The following PLCB1 variants were observed in gnomAD, a reference collection of about 807,000 sequenced individuals.
PLCB1 encodes the protein phospholipase C beta 1, also known as 1-phosphatidylinositol 4,5-bisphosphate phosphodiesterase beta-1.
A neutral mutation model predicts 161.8 loss-of-function variants in PLCB1; 46 were observed. The ratio of observed to expected loss-of-function variants is 0.28; its 90% CI spans 0.22 to 0.36. PLCB1 has a LOEUF of 0.36. PLCB1 is among the 10% of genes least tolerant of loss of function. PLCB1 has a pLI of 1.00. For synonymous variants in PLCB1, 517 were observed against 503.7 expected (o/e 1.03, Z -0.35); for missense variants, 1,016 against 1,472.5 (o/e 0.69, Z 5.07).
At chr20:8,516,968 C>T (rs1337908943) in intron 3 of PLCB1, among the ~76,000 whole-genome samples, 1 of 151,978 alleles carries the variant, frequency 6.6e-6, no homozygotes, top group African/African-American at 2.4e-5. Context: ...GTGGTAGGTC[C>T]TGTGTACTGG....
At chr20:8,664,275 C>T (rs376158501) in intron 9 of PLCB1, among the ~76,000 whole-genome samples, 1 of 152,072 alleles carries the variant, frequency 6.6e-6, no homozygotes, top group South Asian at 2.1e-4. Context: ...AAATGAAGCT[C>T]TATAATCCCT....
intron 31 of PLCB1, among the ~76,000 whole-genome samples, chr20:8,826,517 A>T (rs1177472764): frequency 6.6e-6 from 1 of 151,106 alleles, no homozygotes; most frequent in Non-Finnish European, 1.5e-5. Context: ...AAAAGAAAAG[A>T]AAAGAAGGCC....
At chr20:8,730,782 G>A (rs1351196616) in intron 18 of PLCB1, among the ~76,000 whole-genome samples, 1 of 151,406 alleles carries the variant, frequency 6.6e-6, no homozygotes, top group East Asian at 1.9e-4. Context: ...AAAATCACTT[G>A]TCTTCATTAG....
intron 2 of PLCB1, among the ~76,000 whole-genome samples, chr20:8,357,553 C>T (rs1235391612): frequency 6.6e-6 from 1 of 152,000 alleles, no homozygotes; most frequent in Admixed American, 6.5e-5. Flanking sequence ...TGGTGGCTTA[C>T]ACCTGTAATC....
At chr20:8,417,487 G>T (rs1291737206) in intron 3 of PLCB1, among the ~76,000 whole-genome samples, 1 of 150,956 alleles carries the variant, frequency 6.6e-6, no homozygotes, top group African/African-American at 2.4e-5. Flanking sequence ...CAGTGTCATT[G>T]ATTTACTATC....
intron 11 of PLCB1, among the ~76,000 whole-genome samples, chr20:8,705,520 C>T (rs964687288): frequency 4.6e-5 from 7 of 152,122 alleles, no homozygotes; most frequent in African/African-American, 1.7e-4. Context: ...TAGAAACATG[C>T]CCTTTAAAGC....
At chr20:8,739,785 T>A (rs929758417) in intron 21 of PLCB1, among the ~76,000 whole-genome samples, 14 of 152,192 alleles carry the variant, frequency 9.2e-5, no homozygotes, top group African/African-American at 2.7e-4. Context: ...CTGGAATGTC[T>A]AACTCTGCAT....
Position 8,717,704 on chromosome 20 carries a change from G to T in PLCB1, c.1369G>T (p.Asp457Tyr), listed in dbSNP as rs1413281591. Residue 457 changes from aspartate (D) to tyrosine (Y), a missense_variant, in exon 14 of 32, where the codon GAT becomes TAT. By Grantham distance (160) the Asp-to-Tyr change is radical. This residue lies in a region of PLCB1 where 56 missense variants were observed against 126.3 expected (regional missense o/e 0.44). Transcript: ENST00000338037. ...ESGVPLPSPM[D>Y]LMYKILVKNK... ...TGGAGTTCCTCTTCCAAGCCCTATG[G>T]ATTTAATGTATAAAATTTTGGTGAA... 6.2e-7 allele frequency: 1 copy of T among 1,613,018 alleles called. No individual in the cohort carries two copies. The highest frequency in any genetic ancestry group is 1.3e-5 in the African/African-American group (1 of 74,804).
chr20:8,849,741 G>A (rs780600203), intron 31 of PLCB1, among the ~76,000 whole-genome samples: 6 of 151,688 alleles, frequency 4.0e-5, no homozygotes, highest in South Asian at 2.1e-4. Flanking sequence ...AGGGCTGAGC[G>A]CGATGGCTCA....
At position 8,882,296 on chromosome 20, in the gene PLCB1, C is replaced by T. The variant is rs754499331; in HGVS notation, c.*447C>T. 2.7e-4 allele frequency: 45 copies of T among 166,086 alleles called. No individual in the cohort carries two copies. The highest frequency in any genetic ancestry group is 7.2e-4 in the Admixed American group (13 of 18,092). The allele number at this position is 166,086 out of a possible 1,614,324, so 10.3% of individuals were successfully genotyped here. A position where few individuals can be genotyped will look rare whatever the true frequency, so the allele number is the denominator to read the frequency against. Reference sequence around the variant, plus strand: ...CGACTTTGAGCATTGTTTCTTCTAACTGCCCCTCAACTACCATTATCTTCA... The same window carrying T: ...CGACTTTGAGCATTGTTTCTTCTAATTGCCCCTCAACTACCATTATCTTCA... On this transcript the variant is annotated 3_prime_UTR_variant, in exon 32 of 32. Transcript: ENST00000338037.
At chr20:8,339,074 G>A (rs1416059176) in intron 2 of PLCB1, among the ~76,000 whole-genome samples, 1 of 152,074 alleles carries the variant, frequency 6.6e-6, no homozygotes, top group Non-Finnish European at 1.5e-5. Flanking sequence ...ATTCTTTCCA[G>A]TTGTAAGCTA....
chr20:8,142,105 A>T (rs1196154351), intron 1 of PLCB1, among the ~76,000 whole-genome samples: 1 of 152,052 alleles, frequency 6.6e-6, no homozygotes. Flanking sequence ...TATCATTATT[A>T]TTTTTTTCCC....
intron 3 of PLCB1, among the ~76,000 whole-genome samples, chr20:8,411,485 G>A (rs890634065): frequency 1.3e-5 from 2 of 152,096 alleles, no homozygotes; most frequent in Non-Finnish European, 2.9e-5. Flanking sequence ...AAGAATTACA[G>A]CCTAACTGTT....
intron 11 of PLCB1, among the ~76,000 whole-genome samples, chr20:8,705,217 C>T (rs1343522941): frequency 6.6e-6 from 1 of 151,954 alleles, no homozygotes; most frequent in African/African-American, 2.4e-5. Flanking sequence ...GAACAGTTGC[C>T]ATAGAAATAG....
In PLCB1 at chr20:8,634,211, AT is replaced by A. The variant is rs1183214552; in HGVS notation, c.384+5783del. On this transcript the variant is annotated intron_variant, in intron 4 of 31. Transcript: ENST00000338037. ...ATATTATTTCACACATAAAAGAAAA[AT>A]TTATCAGAGGATCTCTGTAGGTTAA... Among the ~76,000 whole-genome samples, 3 of 152,320 alleles carry A rather than the reference AT, an allele frequency of 2.0e-5. No homozygotes were observed. In the East Asian group the frequency reaches 5.8e-4, roughly 29 times the overall value.
chr20:8,224,754 G>T (rs981320236), intron 2 of PLCB1, among the ~76,000 whole-genome samples: 1 of 151,882 alleles, frequency 6.6e-6, no homozygotes, highest in Middle Eastern at 3.4e-3. Context: ...CCATCCCCCC[G>T]CCCACCACGC....
chr20:8,551,114 A>G (rs1008991944), intron 3 of PLCB1, among the ~76,000 whole-genome samples: 2 of 152,184 alleles, frequency 1.3e-5, no homozygotes, highest in Admixed American at 6.5e-5. Context: ...TTTCATCATA[A>G]ATCACTCATA....
At chr20:8,386,962 G>A (rs1365312625) in intron 3 of PLCB1, among the ~76,000 whole-genome samples, 1 of 152,190 alleles carries the variant, frequency 6.6e-6, no homozygotes, top group Non-Finnish European at 1.5e-5. Flanking sequence ...AGTTGTCACA[G>A]GACTGAAGAG....
chr20:8,223,965 G>A (rs1979546756), intron 2 of PLCB1, among the ~76,000 whole-genome samples: 1 of 152,104 alleles, frequency 6.6e-6, no homozygotes, highest in Non-Finnish European at 1.5e-5. Context: ...CATGTGTGAG[G>A]TTAAGGGAAT....
Sources: gnomAD v4.1 joint callset for allele counts (sites outside exome capture counted in the v4.1 genomes callset) on GRCh38, gnomAD v4.1.1 for gene constraint, gnomAD v4.1.1 regional missense constraint, MANE v1.5 for transcripts, NCBI Gene and HGNC (gene_info 2026-07-23, HGNC 2026-07-21) for gene names.